Variants in SRGAP2C observed in about 807,000 individuals in gnomAD.
SRGAP2C encodes SLIT-ROBO Rho GTPase-activating protein 2C.
In SRGAP2C, 15 loss-of-function variants were observed where a neutral mutation model predicts 25.1. That is an observed-to-expected ratio of 0.60 (90% CI 0.40 to 0.92). The LOEUF is 0.92. SRGAP2C is among the 40% of genes least tolerant of loss of function. The pLI, the probability that SRGAP2C is intolerant of heterozygous loss-of-function variation, is 0.00. For missense variants in SRGAP2C, 144 were observed against 264.4 expected (o/e 0.54, Z 3.16); for synonymous variants, 44 against 96.6 (o/e 0.46, Z 3.19).
At chr1:121,218,593 C>A (rs1189674781) in intron 2 of SRGAP2C, among the ~76,000 whole-genome samples, 2 of 143,922 alleles carry the variant, frequency 1.4e-5, no homozygotes, top group East Asian at 2.0e-4. Context: ...AAAAAAAATA[C>A]AAAAATTAGC....
chr1:121,195,767 G>A (rs1553320509), intron 2 of SRGAP2C, among the ~76,000 whole-genome samples: 1 of 148,664 alleles, frequency 6.7e-6, no homozygotes, highest in Non-Finnish European at 1.5e-5. Context: ...GCTGTCTGTT[G>A]GATATTTACC....
intron 2 of SRGAP2C, among the ~76,000 whole-genome samples, chr1:121,207,883 A>G (rs1553322785): frequency 6.6e-6 from 1 of 152,134 alleles, no homozygotes; most frequent in Admixed American, 6.5e-5. Flanking sequence ...TGTAACAGAG[A>G]TTACCCACAG....
rs1656596867 is a variant in SRGAP2C at position 121,260,336 on chromosome 1, C to A, written c.68-24467C>A. On this transcript the variant is annotated intron_variant, in intron 2 of 9. Coordinates refer to ENST00000367123, the MANE Select transcript of SRGAP2C (RefSeq NM_001329984.2). ...CAGTTTAAAGGCCTTAAGGTGGAGC[C>A]CTAAGGCTCAAGTGTGCTTGGTGTA... 3.9e-5 allele frequency among the ~76,000 whole-genome samples: 6 copies of A among 151,944 alleles called. No individual in the cohort carries two copies. In the South Asian group the frequency reaches 1.2e-3, roughly 32 times the overall value.
chr1:121,365,864 G>A (rs1417468251), intron 5 of SRGAP2C, among the ~76,000 whole-genome samples: 1 of 129,642 alleles, frequency 7.7e-6, no homozygotes, highest in Non-Finnish European at 1.7e-5. Flanking sequence ...AGCAGAGAGA[G>A]CTTTGCACTG....
At chr1:121,359,539 A>T (rs1553348136) in intron 4 of SRGAP2C, among the ~76,000 whole-genome samples, 2 of 152,194 alleles carry the variant, frequency 1.3e-5, no homozygotes, top group Non-Finnish European at 2.9e-5. Context: ...AAGCTGAGGC[A>T]GGAGGATTGT....
chr1:121,375,362 C>G (rs1211404111), intron 7 of SRGAP2C, among the ~76,000 whole-genome samples: 1 of 127,504 alleles, frequency 7.8e-6, no homozygotes, highest in Non-Finnish European at 1.6e-5. Context: ...CTTGCTTTGT[C>G]CCCCAGGCTG....
At chr1:121,195,151 C>T (rs587742629) in intron 2 of SRGAP2C, among the ~76,000 whole-genome samples, 4 of 152,050 alleles carry the variant, frequency 2.6e-5, no homozygotes, top group South Asian at 4.2e-4. Context: ...TGGCTTACAT[C>T]TGTAATCCCA....
At chr1:121,322,592 G>GTGAT (rs1453214543) in intron 3 of SRGAP2C, among the ~76,000 whole-genome samples, 12 of 137,310 alleles carry the variant, frequency 8.7e-5, no homozygotes, top group Admixed American at 8.4e-4. Context: ...CTACAGAAGA[G>GTGAT]TGATGCCTGG....
intron 3 of SRGAP2C, among the ~76,000 whole-genome samples, chr1:121,310,035 C>CACCA (rs1657946027): frequency 1.5e-4 from 2 of 13,518 alleles, no homozygotes; most frequent in Admixed American, 1.5e-3. Context: ...TTTACAGTCC[C>CACCA]ACCAACAGTG....
At chr1:121,272,307 C>T (rs1267423393) in intron 2 of SRGAP2C, among the ~76,000 whole-genome samples, 1 of 151,036 alleles carries the variant, frequency 6.6e-6, no homozygotes, top group East Asian at 1.9e-4. Context: ...AGAATAGGGA[C>T]ATTCTTTCAT....
intron 3 of SRGAP2C, among the ~76,000 whole-genome samples, chr1:121,322,947 G>A (rs1658241969): frequency 6.6e-6 from 1 of 152,244 alleles, no homozygotes; most frequent in South Asian, 2.1e-4. Flanking sequence ...GAAAGAAACA[G>A]ATAGTTATTA....
At chr1:121,378,671 T>C (rs1381887836) in intron 7 of SRGAP2C, among the ~76,000 whole-genome samples, 4 of 152,044 alleles carry the variant, frequency 2.6e-5, no homozygotes, top group African/African-American at 9.7e-5. Flanking sequence ...ATTACTTGCT[T>C]TAAGACACGG....
At chr1:121,216,094 G>A (rs1655376407) in intron 2 of SRGAP2C, among the ~76,000 whole-genome samples, 2 of 152,272 alleles carry the variant, frequency 1.3e-5, no homozygotes, top group African/African-American at 2.4e-5. Flanking sequence ...TTGTCTACCA[G>A]CAAAGCTGGG....
chr1:121,224,976 A>T (rs1570718439), intron 2 of SRGAP2C, among the ~76,000 whole-genome samples: 1 of 99,386 alleles, frequency 1.0e-5, no homozygotes, highest in South Asian at 3.8e-4. Flanking sequence ...AGAGGCTTCG[A>T]GTCATAGGGA....
At chr1:121,347,433 A>G (rs1246027067) in intron 4 of SRGAP2C, among the ~76,000 whole-genome samples, 8 of 139,410 alleles carry the variant, frequency 5.7e-5, no homozygotes, top group African/African-American at 1.6e-4. Flanking sequence ...AAATGTCTAC[A>G]TACTTGCCTA....
chr1:121,346,744 G>A (rs1179859266), intron 4 of SRGAP2C, among the ~76,000 whole-genome samples: 27 of 152,104 alleles, frequency 1.8e-4, no homozygotes, highest in Middle Eastern at 3.4e-3. Context: ...TTTTTCTGCC[G>A]CTGCTGATGT....
chr1:121,361,385 A>G (rs1412537039), intron 4 of SRGAP2C: 1 of 145,176 alleles, frequency 6.9e-6, no homozygotes, highest in Non-Finnish European at 1.5e-5. Flanking sequence ...GGCATCCCGG[A>G]TGCCTAGGAT....
intron 3 of SRGAP2C, among the ~76,000 whole-genome samples, chr1:121,301,430 TTTG>T (rs1436411647): frequency 9.5e-5 from 14 of 148,084 alleles, no homozygotes; most frequent in Non-Finnish European, 1.3e-4. Context: ...TGTACAATTT[TTTG>T]TTGTTGTTGT....
chr1:121,359,869 C>T (rs1223810904), intron 4 of SRGAP2C, among the ~76,000 whole-genome samples: 23 of 152,232 alleles, frequency 1.5e-4, no homozygotes, highest in African/African-American at 5.5e-4. Flanking sequence ...GCTGGACTTC[C>T]TCAGTGGAGT....
Sources: gnomAD v4.1 joint callset for allele counts (sites outside exome capture counted in the v4.1 genomes callset) on GRCh38, gnomAD v4.1.1 for gene constraint, MANE v1.5 for transcripts, NCBI Gene and HGNC (gene_info 2026-07-23, HGNC 2026-07-21) for gene names.